The following VAV3 variants were observed in gnomAD, a reference collection of about 807,000 sequenced individuals.
VAV3 encodes vav guanine nucleotide exchange factor 3.
A neutral mutation model predicts 131.2 loss-of-function variants in VAV3; 94 were observed. The ratio of observed to expected loss-of-function variants is 0.72; its 90% CI spans 0.61 to 0.85. The LOEUF is 0.85. Among genes scored for constraint, VAV3 ranks in the 40% least tolerant of loss-of-function variants. The probability of loss-of-function intolerance (pLI) is 0.00; values close to 1 mark genes in which losing one functional copy is unlikely to be tolerated. For missense variants in VAV3, 939 were observed against 1,002.7 expected, an observed-to-expected ratio of 0.94 and a Z score of 0.86; for synonymous variants, 349 against 342.0, an observed-to-expected ratio of 1.02 and a Z score of -0.22.
intron 2 of VAV3, among the ~76,000 whole-genome samples, chr1:107,796,651 A>G (rs147284715): frequency 0.033 from 5,075 of 152,154 alleles, 180 homozygotes; most frequent in African/African-American, 0.09. Context: ...AGGATCAAAT[A>G]TTTGTAAGAG....
At chr1:107,586,935 G>T (rs950729650) in intron 25 of VAV3, among the ~76,000 whole-genome samples, 1 of 152,094 alleles carries the variant, frequency 6.6e-6, no homozygotes, top group Non-Finnish European at 1.5e-5. Context: ...AAAATAGGGT[G>T]TTTTGTGTGG....
chr1:107,832,806 T>C (rs911067055), intron 2 of VAV3, among the ~76,000 whole-genome samples: 3 of 152,200 alleles, frequency 2.0e-5, no homozygotes, highest in African/African-American at 4.8e-5. Context: ...GATTACATTG[T>C]ACAAAATGTA....
chr1:107,965,046 G>A lies in VAV3; in HGVS notation c.-177C>T. On this transcript the variant is annotated 5_prime_UTR_variant, in exon 1 of 27. Transcript: ENST00000370056. ...GGGTCGCGGGCGCCGCGCTAGGCTC[G>A]GCTCCGGTCCCGGCCCGGGTGCGCC... 3.4e-6 allele frequency: 1 copy of A among 292,714 alleles called. No homozygotes were observed. The highest frequency in any genetic ancestry group is 5.1e-6 in the Non-Finnish European group (1 of 194,230). The allele number at this position is 292,714 out of a possible 1,614,324, so 18.1% of individuals were successfully genotyped here. A position where few individuals can be genotyped will look rare whatever the true frequency, so the allele number is the denominator to read the frequency against.
At chr1:107,915,686 G>A (rs548619196) in intron 1 of VAV3, among the ~76,000 whole-genome samples, 3 of 152,356 alleles carry the variant, frequency 2.0e-5, no homozygotes, top group Non-Finnish European at 4.4e-5. Flanking sequence ...GACAGGGGCT[G>A]TGTTTTATTC....
At chr1:107,696,260 A>T (rs777540786) in intron 17 of VAV3, among the ~76,000 whole-genome samples, 36 of 152,250 alleles carry the variant, frequency 2.4e-4, no homozygotes, top group Non-Finnish European at 5.9e-5. Flanking sequence ...GATAATTAGC[A>T]TATCTATCAC....
At chr1:107,602,323 T>G in intron 24 of VAV3, 74 bp downstream of exon 24, 1 of 1,104,694 alleles carries the variant, frequency 9.1e-7, no homozygotes, top group Non-Finnish European at 1.3e-6. Context: ...TCCAAGAAAC[T>G]ATAGAATTAA....
intron 19 of VAV3, among the ~76,000 whole-genome samples, chr1:107,644,454 C>G (rs1043188623): frequency 6.6e-6 from 1 of 152,000 alleles, no homozygotes; most frequent in Non-Finnish European, 1.5e-5. Context: ...TTTTGTTTTT[C>G]TGACAGTTTT....
At chr1:107,795,770 T>C (rs1666509502) in intron 2 of VAV3, among the ~76,000 whole-genome samples, 1 of 152,236 alleles carries the variant, frequency 6.6e-6, no homozygotes, top group South Asian at 2.1e-4. Context: ...TGAAGAGCCC[T>C]ATATAAAGAA....
At chr1:107,780,517 T>C (rs971066507) in intron 2 of VAV3, among the ~76,000 whole-genome samples, 1 of 152,050 alleles carries the variant, frequency 6.6e-6, no homozygotes, top group Admixed American at 6.5e-5. Flanking sequence ...AAGTCTATTC[T>C]TGTTTGTTTC....
At chr1:107,785,950 A>C (rs1305410106) in intron 2 of VAV3, among the ~76,000 whole-genome samples, 1 of 152,182 alleles carries the variant, frequency 6.6e-6, no homozygotes, top group Non-Finnish European at 1.5e-5. Flanking sequence ...CACACAGTAA[A>C]TTACCCCCAT....
intron 15 of VAV3, among the ~76,000 whole-genome samples, chr1:107,725,063 C>A (rs1336666503): frequency 6.6e-6 from 1 of 152,052 alleles, no homozygotes; most frequent in Non-Finnish European, 1.5e-5. Flanking sequence ...AGGTAGAAGA[C>A]CCTGAAGACC....
At chr1:107,718,849 C>CA (rs1661298947) in intron 15 of VAV3, among the ~76,000 whole-genome samples, 1 of 152,080 alleles carries the variant, frequency 6.6e-6, no homozygotes, top group Non-Finnish European at 1.5e-5. Context: ...GTACTGGTAC[C>CA]AAAACAGAGA....
At chr1:107,620,922 C>A (rs149648671) in intron 20 of VAV3, among the ~76,000 whole-genome samples, 2 of 151,790 alleles carry the variant, frequency 1.3e-5, no homozygotes, top group African/African-American at 4.8e-5. Context: ...AGGAAGAGAC[C>A]GTGGTTGTAT....
chr1:107,873,551 C>T (rs925697959), intron 2 of VAV3, among the ~76,000 whole-genome samples: 2 of 152,000 alleles, frequency 1.3e-5, no homozygotes, highest in African/African-American at 4.8e-5. Context: ...TTTTTCAGGG[C>T]CAACAGCTTA....
At chr1:107,622,315 T>G (rs1653668426) in intron 20 of VAV3, among the ~76,000 whole-genome samples, 1 of 152,202 alleles carries the variant, frequency 6.6e-6, no homozygotes, top group Non-Finnish European at 1.5e-5. Flanking sequence ...GAAATGATAT[T>G]CACAATCTAC....
intron 15 of VAV3, among the ~76,000 whole-genome samples, chr1:107,720,366 G>C (rs931231478): frequency 6.9e-6 from 1 of 144,256 alleles, no homozygotes; most frequent in African/African-American, 2.6e-5. Context: ...CTGGGCAACA[G>C]AGTGAGACAC....
In VAV3 at chr1:107,634,458, C is replaced by T. The variant is rs376941571; in HGVS notation, c.1914+8161G>A. On this transcript the variant is annotated intron_variant, in intron 20 of 26. Coordinates refer to ENST00000370056, the MANE Select transcript of VAV3 (RefSeq NM_006113.5). ...AACTGGATCCCTTCCTTACACCTTA[C>T]ACAAAAATTAATTCAAGATGGATTA... Among the ~76,000 whole-genome samples the T allele has an allele frequency of 3.1e-3, 468 of 152,000 alleles. 2 individuals carry two copies. Among genetic ancestry groups the T allele is most frequent in the South Asian group, 0.011 (52 of 4,808 alleles).
rs146083978 is a variant in VAV3, at chr1:107,572,633, G to A, written c.*698C>T. On this transcript the variant is annotated 3_prime_UTR_variant, in exon 27 of 27. Transcript: ENST00000370056. Reference sequence around the variant, plus strand: ...TTAATATGAAGACACCCTCTCTTTTGTGTGCTTTTTTCACCTTTTATAAAG... The same window carrying A: ...TTAATATGAAGACACCCTCTCTTTTATGTGCTTTTTTCACCTTTTATAAAG... 6.5e-6 allele frequency: 1 copy of A among 152,680 alleles called. No individual in the cohort carries two copies. The highest frequency in any genetic ancestry group is 2.4e-5 in the African/African-American group (1 of 41,550). The allele number at this position is 152,680 out of a possible 1,614,324, so 9.5% of individuals were successfully genotyped here. A position where few individuals can be genotyped will look rare whatever the true frequency, so the allele number is the denominator to read the frequency against.
rs574916897 is a variant in VAV3 at position 107,776,596 on chromosome 1, C to G, written c.446+635G>C. 4.5e-4 allele frequency among the ~76,000 whole-genome samples: 69 copies of G among 152,170 alleles called. 1 individual carries two copies. Among genetic ancestry groups the G allele is most frequent in the Non-Finnish European group, 8.5e-4 (58 of 68,026 alleles). On this transcript the variant is annotated intron_variant, in intron 4 of 26. Coordinates refer to ENST00000370056, the MANE Select transcript of VAV3 (RefSeq NM_006113.5). ...GATAGATGAATGAATGGATGAAGTT[C>G]CATAGCATTTGAATCTGTCTTGGGG...
Sources: gnomAD v4.1 joint callset for allele counts (sites outside exome capture counted in the v4.1 genomes callset) on GRCh38, gnomAD v4.1.1 for gene constraint, MANE v1.5 for transcripts, NCBI Gene and HGNC (gene_info 2026-07-23, HGNC 2026-07-21) for gene names.